Variants in DPP10 observed in about 807,000 individuals in gnomAD.
The protein encoded by DPP10 is inactive dipeptidyl peptidase 10.
DPP10 carries 33 observed loss-of-function variants against 120.9 expected under a neutral mutation model. The observed-to-expected ratio is 0.27, with a 90% CI of 0.21 to 0.37. DPP10 has a LOEUF of 0.37. DPP10 is among the 10% of genes least tolerant of loss of function. The pLI is 1.00. For missense variants in DPP10, 816 were observed against 942.8 expected (o/e 0.87, Z 1.76); for synonymous variants, 337 against 326.1 (o/e 1.03, Z -0.36).
chr2:115,420,110 C>T (rs922644491), intron 3 of DPP10, among the ~76,000 whole-genome samples: 1 of 152,062 alleles, frequency 6.6e-6, no homozygotes, highest in Non-Finnish European at 1.5e-5. Flanking sequence ...TATTTCGGTC[C>T]AGAACTTGGT....
intron 3 of DPP10, among the ~76,000 whole-genome samples, chr2:115,390,568 T>G (rs2106538352): frequency 6.6e-6 from 1 of 152,254 alleles, no homozygotes; most frequent in South Asian, 2.1e-4. Context: ...GATTTTTATT[T>G]TTCTACTATT....
chr2:115,476,624 G>C (rs985851687), intron 3 of DPP10, among the ~76,000 whole-genome samples: 1 of 152,042 alleles, frequency 6.6e-6, no homozygotes, highest in Non-Finnish European at 1.5e-5. Context: ...CAAGGATATG[G>C]CACTAAGCAA....
chr2:114,725,313 A>G (rs1381869298), intron 1 of DPP10, among the ~76,000 whole-genome samples: 1 of 152,026 alleles, frequency 6.6e-6, no homozygotes, highest in East Asian at 1.9e-4. Flanking sequence ...TGTTTTTCCA[A>G]TTTTGAGTCT....
intron 1 of DPP10, among the ~76,000 whole-genome samples, chr2:114,497,342 T>C (rs759172449): frequency 1.3e-3 from 34 of 26,918 alleles, no homozygotes; most frequent in African/African-American, 3.2e-3. Context: ...CATGTACATA[T>C]ACATACACAT....
intron 3 of DPP10, among the ~76,000 whole-genome samples, chr2:115,394,738 C>T (rs1004876156): frequency 3.9e-5 from 6 of 152,088 alleles, no homozygotes; most frequent in Non-Finnish European, 8.8e-5. Flanking sequence ...CTGATGGTGG[C>T]ACAGATTTTA....
chr2:114,856,822 T>C (rs1689406819), intron 1 of DPP10, among the ~76,000 whole-genome samples: 1 of 152,222 alleles, frequency 6.6e-6, no homozygotes, highest in South Asian at 2.1e-4. Flanking sequence ...CCTAGCTATA[T>C]GCTTGTAATT....
chr2:114,940,004 C>G (rs1253215111), intron 1 of DPP10, among the ~76,000 whole-genome samples: 2 of 152,060 alleles, frequency 1.3e-5, no homozygotes, highest in African/African-American at 4.8e-5. Flanking sequence ...TAATTGCTAT[C>G]CATAGTAAGA....
intron 3 of DPP10, among the ~76,000 whole-genome samples, chr2:115,356,819 T>A (rs1028524841): frequency 2.0e-5 from 3 of 152,176 alleles, no homozygotes; most frequent in African/African-American, 7.2e-5. Context: ...TTGTAAAGGG[T>A]GCTACAATGA....
intron 1 of DPP10, among the ~76,000 whole-genome samples, chr2:115,228,963 A>G (rs963627474): frequency 6.6e-6 from 1 of 152,170 alleles, no homozygotes; most frequent in Non-Finnish European, 1.5e-5. Flanking sequence ...ACTGTTTGCC[A>G]TAGTGCTTGT....
chr2:115,282,766 G>A (rs1228535452), intron 1 of DPP10, among the ~76,000 whole-genome samples: 1 of 151,996 alleles, frequency 6.6e-6, no homozygotes, highest in East Asian at 1.9e-4. Flanking sequence ...TGAAGTTATT[G>A]TTTCTAACCA....
At chr2:115,593,691 A>G (rs1400575713) in intron 5 of DPP10, among the ~76,000 whole-genome samples, 2 of 152,212 alleles carry the variant, frequency 1.3e-5, no homozygotes, top group African/African-American at 4.8e-5. Context: ...ATCTAATAAT[A>G]GGTATATGAC....
intron 4 of DPP10, among the ~76,000 whole-genome samples, chr2:115,503,217 G>A (rs571988973): frequency 6.6e-5 from 10 of 152,174 alleles, no homozygotes; most frequent in African/African-American, 2.2e-4. Flanking sequence ...TTATATATAG[G>A]CAATTACAAA....
intron 3 of DPP10, among the ~76,000 whole-genome samples, chr2:115,483,561 T>C (rs2075579555): frequency 6.6e-6 from 1 of 152,004 alleles, no homozygotes; most frequent in South Asian, 2.1e-4. Context: ...ATAGAAGAGG[T>C]GGACTTTCAA....
At chr2:115,048,154 A>G (rs1022322143) in intron 1 of DPP10, among the ~76,000 whole-genome samples, 4 of 152,098 alleles carry the variant, frequency 2.6e-5, no homozygotes, top group Admixed American at 6.6e-5. Flanking sequence ...CGTATTGTAT[A>G]TGTACATTTA....
intron 2 of DPP10, among the ~76,000 whole-genome samples, chr2:115,334,230 G>GTTTTTGTTTTTTTTTTTTT (rs2062968952): frequency 1.8e-5 from 1 of 56,412 alleles, no homozygotes; most frequent in Non-Finnish European, 4.0e-5. Flanking sequence ...AGCAGACTCT[G>GTTTTTGTTTTTTTTTTTTT]TTTTTTTTTT....
chr2:114,819,487 T>C (rs1160399623), intron 1 of DPP10, among the ~76,000 whole-genome samples: 1 of 152,122 alleles, frequency 6.6e-6, no homozygotes, highest in Non-Finnish European at 1.5e-5. Context: ...AAAAATAAAA[T>C]TGATTGAGTT....
chr2:115,842,086 A>T, intron 25 of DPP10, 125 bp from the exon 26 acceptor site: 1 of 892,122 alleles, frequency 1.1e-6, no homozygotes, highest in Non-Finnish European at 1.6e-6. Context: ...TTAGAGTAGA[A>T]TTAGGTTTGA....
intron 4 of DPP10, among the ~76,000 whole-genome samples, chr2:115,525,648 C>A (rs2078084128): frequency 6.6e-6 from 1 of 151,968 alleles, no homozygotes; most frequent in South Asian, 2.1e-4. Context: ...TTAACATATT[C>A]TTTAAGAGAT....
intron 1 of DPP10, among the ~76,000 whole-genome samples, chr2:114,498,920 T>C (rs1199110889): frequency 1.3e-5 from 2 of 152,230 alleles, no homozygotes; most frequent in Non-Finnish European, 2.9e-5. Context: ...AATGGATGAA[T>C]GGATAAAGAA....
Sources: allele counts gnomAD v4.1 joint callset (sites outside exome capture counted in the v4.1 genomes callset), GRCh38; gene constraint gnomAD v4.1.1; transcripts MANE v1.5; gene names NCBI Gene and HGNC (gene_info 2026-07-23, HGNC 2026-07-21).